Variants in ATP8B4 observed in about 807,000 individuals in gnomAD.
The protein encoded by ATP8B4 is probable phospholipid-transporting ATPase IM.
A neutral mutation model predicts 145.6 loss-of-function variants in ATP8B4; 133 were observed. The ratio of observed to expected loss-of-function variants is 0.91; its 90% CI spans 0.79 to 1.05. ATP8B4 has a LOEUF of 1.05. ATP8B4 is among the 50% of genes least tolerant of loss of function. ATP8B4 has a pLI of 0.00. For synonymous variants in ATP8B4, 507 were observed against 492.9 expected (o/e 1.03, Z -0.38); for missense variants, 1,458 against 1,425.2 (o/e 1.02, Z -0.37).
chr15:49,910,403 G>A (rs1688511106), intron 20 of ATP8B4, among the ~76,000 whole-genome samples: 1 of 152,088 alleles, frequency 6.6e-6, no homozygotes, highest in South Asian at 2.1e-4. Context: ...GGTGAAGAGA[G>A]AACAAAAGCA....
chr15:50,144,264 A>T (rs76933999), intron 1 of ATP8B4, among the ~76,000 whole-genome samples: 1 of 152,352 alleles, frequency 6.6e-6, no homozygotes, highest in East Asian at 1.9e-4. Flanking sequence ...GGAGGGGAAG[A>T]GACGTGAAAA....
chr15:49,944,620 G>A (rs1366367901), intron 14 of ATP8B4, among the ~76,000 whole-genome samples: 1 of 152,092 alleles, frequency 6.6e-6, no homozygotes, highest in Non-Finnish European at 1.5e-5. Context: ...ATAATAGTAA[G>A]AGGTGTCAAT....
At chr15:50,142,850 C>T (rs188634922) in intron 1 of ATP8B4, among the ~76,000 whole-genome samples, 156 of 152,308 alleles carry the variant, frequency 1.0e-3, no homozygotes, top group Admixed American at 4.0e-3. Flanking sequence ...GACTCAATTA[C>T]GCACACATCT....
intron 2 of ATP8B4, among the ~76,000 whole-genome samples, chr15:50,084,595 T>C (rs2054771998): frequency 6.6e-6 from 1 of 152,190 alleles, no homozygotes; most frequent in Non-Finnish European, 1.5e-5. Context: ...CAAATTACCA[T>C]GAATTTAGTG....
intron 1 of ATP8B4, among the ~76,000 whole-genome samples, chr15:50,172,055 A>T (rs1416744880): frequency 6.6e-6 from 1 of 152,238 alleles, no homozygotes; most frequent in Non-Finnish European, 1.5e-5. Context: ...TGAAATGGTA[A>T]ATTAAAAATT....
rs543557767 is a variant in ATP8B4, at chr15:50,155,566, T to C, written c.-43+26695A>G. Among the ~76,000 whole-genome samples, 4 of 152,284 alleles carry C rather than the reference T, an allele frequency of 2.6e-5. No individual in the cohort carries two copies. In the East Asian group the frequency reaches 7.7e-4, roughly 29 times the overall value. ...TAAGTCACATGAACTAAAAGGTATT[T>C]GGGTTAATTAGTATATATTTTACAT... On this transcript the variant is annotated intron_variant, in intron 1 of 3. Coordinates refer to the ATP8B4 transcript ENST00000558829.
chr15:49,970,309 A>C (rs1466556543), intron 13 of ATP8B4, among the ~76,000 whole-genome samples: 5 of 152,186 alleles, frequency 3.3e-5, no homozygotes, highest in Admixed American at 2.0e-4. Context: ...GGGTATTCAG[A>C]TAGGAAGAGA....
At chr15:49,954,572 A>C (rs2043390095) in intron 14 of ATP8B4, among the ~76,000 whole-genome samples, 1 of 152,224 alleles carries the variant, frequency 6.6e-6, no homozygotes, top group Non-Finnish European at 1.5e-5. Context: ...AACATGAAAA[A>C]ATGCTCATGA....
At chr15:50,004,845 T>C (rs2048187618) in intron 7 of ATP8B4, among the ~76,000 whole-genome samples, 1 of 152,142 alleles carries the variant, frequency 6.6e-6, no homozygotes, top group Non-Finnish European at 1.5e-5. Flanking sequence ...TTCAAGGATT[T>C]GTATAGTTTA....
At chr15:49,918,755 T>C in intron 19 of ATP8B4, 84 bp downstream of exon 19, 7 of 978,982 alleles carry the variant, frequency 7.2e-6, no homozygotes, top group Non-Finnish European at 1.1e-5. Flanking sequence ...ATTTAATTAA[T>C]TAACCTTTCT....
intron 2 of ATP8B4, among the ~76,000 whole-genome samples, chr15:50,085,904 T>TATATATTTATATATGATATATATC (rs2054911109): frequency 2.3e-5 from 2 of 87,194 alleles, no homozygotes; most frequent in African/African-American, 4.0e-5. Flanking sequence ...ATATATATCA[T>TATATATTTATATATGATATATATC]ATATATTTAT....
rs1484316351 is a variant in ATP8B4, at chr15:49,934,191, G to A, written c.1288-9C>T. 2 of 1,591,084 alleles carry A rather than the reference G, an allele frequency of 1.3e-6. No homozygotes were observed. Among genetic ancestry groups the A allele is most frequent in the Admixed American group, 1.9e-5 (1 of 53,598 alleles). On this transcript the variant is annotated splice_polypyrimidine_tract_variant and intron_variant, in intron 14 of 27. Transcript: ENST00000284509. ...TCCACAGGCTCTTTTTCCTGTAGGA[G>A]AACAACAACAACAAAAATAACCAAA...
chr15:50,130,865 G>T (rs947487480), intron 1 of ATP8B4, among the ~76,000 whole-genome samples: 1 of 152,124 alleles, frequency 6.6e-6, no homozygotes. Flanking sequence ...GTTAGTAATT[G>T]TATTAGTCCA....
chr15:49,904,825 T>C (rs2038423788), intron 20 of ATP8B4, among the ~76,000 whole-genome samples: 1 of 152,192 alleles, frequency 6.6e-6, no homozygotes, highest in Admixed American at 6.5e-5. Flanking sequence ...AAAGAAGAAA[T>C]ATCAATTCCT....
chr15:49,962,074 G>C (rs2044130942), intron 13 of ATP8B4, 54 bp from the exon 14 acceptor site: 2 of 1,379,712 alleles, frequency 1.4e-6, no homozygotes, highest in Admixed American at 2.2e-5. Context: ...ATTAGAATTA[G>C]ACATTTAGTT....
chr15:50,070,731 GTGTTT>G (rs766685978), intron 3 of ATP8B4, among the ~76,000 whole-genome samples: 24 of 152,020 alleles, frequency 1.6e-4, no homozygotes, highest in Non-Finnish European at 2.6e-4. Context: ...TTTTTGTGTT[GTGTTT>G]TGTTTTGTTT....
intron 1 of ATP8B4, among the ~76,000 whole-genome samples, chr15:50,107,426 A>G (rs182489139): frequency 6.6e-6 from 1 of 152,322 alleles, no homozygotes; most frequent in African/African-American, 2.4e-5. Context: ...ATTATTGCCC[A>G]GGCTCTAGAG....
intron 7 of ATP8B4, among the ~76,000 whole-genome samples, chr15:50,010,139 T>A (rs2048619131): frequency 6.6e-6 from 1 of 152,164 alleles, no homozygotes; most frequent in South Asian, 2.1e-4. Context: ...AAATTTCATA[T>A]GTAATCTAAT....
At chr15:49,922,289 TA>T (rs1275809957) in intron 17 of ATP8B4, 4 of 325,750 alleles carry the variant, frequency 1.2e-5, no homozygotes, top group Middle Eastern at 4.2e-4. Context: ...AGTTTAGTAT[TA>T]AAGGAGAATG....
Sources: gnomAD v4.1 joint callset for allele counts (sites outside exome capture counted in the v4.1 genomes callset) on GRCh38, gnomAD v4.1.1 for gene constraint, MANE v1.5 for transcripts, NCBI Gene and HGNC (gene_info 2026-07-23, HGNC 2026-07-21) for gene names.